Variants in SDK2 observed in about 807,000 individuals in gnomAD.
SDK2 encodes the protein sidekick cell adhesion molecule 2, also known as protein sidekick-2.
A neutral mutation model predicts 253.9 loss-of-function variants in SDK2; 105 were observed. The observed-to-expected ratio is 0.41, with a 90% CI of 0.35 to 0.49. SDK2 has a LOEUF of 0.49. Among genes scored for constraint, SDK2 ranks in the 20% least tolerant of loss-of-function variants. The pLI is 0.06. For missense variants in SDK2, 2,608 were observed against 3,003.0 expected (o/e 0.87, Z 3.07); for synonymous variants, 1,249 against 1,234.9 (o/e 1.01, Z -0.24).
chr17:73,632,921 A>G (rs2046287449), intron 1 of SDK2, among the ~76,000 whole-genome samples: 1 of 152,184 alleles, frequency 6.6e-6, no homozygotes, highest in African/African-American at 2.4e-5. Context: ...CAGCTTTAAC[A>G]TATCCTTTAT....
In SDK2 at chr17:73,511,777, C is replaced by T. The variant is rs775505690; in HGVS notation, c.65-4180G>A. Among the ~76,000 whole-genome samples, 4 of 152,142 alleles carry T rather than the reference C, an allele frequency of 2.6e-5. No individual in the cohort carries two copies. The highest frequency in any genetic ancestry group is 5.9e-5 in the Non-Finnish European group (4 of 68,024). ...GCTGATTTTCCTCCAGGACCTGCCT[C>T]GTCTGAAAGCAAGAGATGGCAGGGG... is the stretch of plus-strand genomic sequence containing the variant. On this transcript the variant is annotated intron_variant, in intron 1 of 44. Transcript: ENST00000392650. The surrounding 1 kb of genome is among the most constrained non-coding windows in gnomAD (Gnocchi z 4.9).
intron 36 of SDK2, among the ~76,000 whole-genome samples, chr17:73,377,119 C>T (rs2062788616): frequency 6.7e-6 from 1 of 149,768 alleles, no homozygotes; most frequent in Non-Finnish European, 1.5e-5. Flanking sequence ...AACCAGCCGC[C>T]AAGAATGAGA....
chr17:73,416,115 T>C, intron 16 of SDK2, 123 bp from the exon 17 acceptor site: 1 of 849,678 alleles, frequency 1.2e-6, no homozygotes, highest in Non-Finnish European at 1.8e-6. Context: ...GCTCTGCACC[T>C]GTGCTGTCCG....
rs988421198 is a variant in SDK2 at position 73,541,236 on chromosome 17, T to C, written c.65-33639A>G. The stretch of plus-strand genomic sequence containing the variant: ...CAGTGAAGGGAGGTGCCCGGGGGGC[T>C]GCAGGGGATGGGCTGCAGTGTGTGG... On this transcript the variant is annotated intron_variant, in intron 1 of 44. Coordinates refer to ENST00000392650, the MANE Select transcript of SDK2 (RefSeq NM_001144952.2). This position sits in a 1 kb window ranked among gnomAD's most constrained non-coding sequence, Gnocchi z 4.3. Among the ~76,000 whole-genome samples the C allele has an allele frequency of 6.6e-6, 1 of 152,154 alleles. No homozygotes were observed. The highest frequency in any genetic ancestry group is 1.5e-5 in the Non-Finnish European group (1 of 68,018).
At chr17:73,519,705 T>C (rs1173919740) in intron 1 of SDK2, 3 of 152,120 alleles carry the variant, frequency 2.0e-5, no homozygotes, top group Non-Finnish European at 2.9e-5. Context: ...TTTGAACCCA[T>C]AGCCGCCTGC....
chr17:73,468,925 T>C (rs954390284), intron 3 of SDK2, among the ~76,000 whole-genome samples: 1 of 152,058 alleles, frequency 6.6e-6, no homozygotes, highest in Non-Finnish European at 1.5e-5. Context: ...TCTGGGTTCA[T>C]GCGATTCTCC....
Position 73,430,533 on chromosome 17 carries a change from G to A in SDK2, c.1561C>T (p.His521Tyr), listed in dbSNP as rs779637691. 6.2e-7 allele frequency: 1 copy of A among 1,608,940 alleles called. No individual in the cohort carries two copies. Among genetic ancestry groups the A allele is most frequent in the South Asian group, 1.1e-5 (1 of 90,320 alleles). ...TACCTGATGGTTACTCGGGGGTCGT[G>A]GGTCACTCCGCACACCATGGAGGCC... Reference protein sequence around the residue: ...TQASMVCGVTHDPRVTIRYIW... With the variant: ...TQASMVCGVTYDPRVTIRYIW... Residue 521 changes from histidine (H) to tyrosine (Y), a missense_variant, in exon 12 of 45, where the codon CAC (histidine) becomes TAC (tyrosine). Around this residue, in one of 2 missense-constraint regions of SDK2, gnomAD observed 1,505 missense variants for 1,859.1 expected, o/e 0.81. Transcript: ENST00000392650.
At chr17:73,547,616 G>C (rs1415319429) in intron 1 of SDK2, among the ~76,000 whole-genome samples, 3 of 152,204 alleles carry the variant, frequency 2.0e-5, no homozygotes, top group Non-Finnish European at 4.4e-5. Flanking sequence ...AGATAGGGTA[G>C]AGACACCATG....
At chr17:73,485,550 C>T (rs1259455927) in intron 2 of SDK2, among the ~76,000 whole-genome samples, 1 of 152,044 alleles carries the variant, frequency 6.6e-6, no homozygotes, top group East Asian at 1.9e-4. Context: ...AGGGTATTAA[C>T]CAGGGCTATA....
intron 4 of SDK2, among the ~76,000 whole-genome samples, chr17:73,448,452 C>T (rs555196880): frequency 6.6e-6 from 1 of 152,062 alleles, no homozygotes; most frequent in Non-Finnish European, 1.5e-5. Context: ...GCAGCCTCTG[C>T]CTCCCGGGTT....
At chr17:73,538,732 G>A (rs1200762699) in intron 1 of SDK2, among the ~76,000 whole-genome samples, 1 of 152,182 alleles carries the variant, frequency 6.6e-6, no homozygotes, top group Admixed American at 6.5e-5. Flanking sequence ...GAGAGGAAGA[G>A]GACAGAAAAT....
rs75643794 is a variant in SDK2, at chr17:73,336,816, C to T, written c.*1771G>A. On this transcript the variant is annotated 3_prime_UTR_variant, in exon 45 of 45. Coordinates refer to ENST00000392650, the MANE Select transcript of SDK2 (RefSeq NM_001144952.2). ...GAGCCCTGCTCCACGAAGGGGCTCA[C>T]GCTGAATCAGACAGGCCCCTGTGGG... 599 of 152,818 alleles carry T rather than the reference C, an allele frequency of 3.9e-3. 9 individuals are homozygous for T. In the East Asian group the frequency reaches 0.04, roughly 10 times the overall value. The allele number at this position is 152,818 out of a possible 1,614,324, so 9.5% of individuals were successfully genotyped here.
rs2062376411 is a variant in SDK2, at chr17:73,336,192, A to G, written c.*2395T>C. On this transcript the variant is annotated 3_prime_UTR_variant, in exon 45 of 45. Coordinates refer to ENST00000392650, the MANE Select transcript of SDK2 (RefSeq NM_001144952.2). ...TGAAGTTATTTAAAAAAAAAAAAAA[A>G]AAAAAGATGAGAGGAAAGAAAAGAA... 6.6e-6 allele frequency: 1 copy of G among 151,698 alleles called. No homozygotes were observed. The highest frequency in any genetic ancestry group is 2.4e-5 in the African/African-American group (1 of 41,356). 9.4% of individuals were successfully genotyped at this position (151,698 alleles called of 1,614,324 possible).
chr17:73,613,394 C>CT (rs982230572), intron 1 of SDK2, among the ~76,000 whole-genome samples: 4 of 151,510 alleles, frequency 2.6e-5, no homozygotes, highest in African/African-American at 9.7e-5. Flanking sequence ...CCCCAGGCCC[C>CT]TGGAGAGAGA....
intron 12 of SDK2, among the ~76,000 whole-genome samples, chr17:73,427,751 G>A (rs1462148500): frequency 6.7e-6 from 1 of 150,368 alleles, no homozygotes; most frequent in Non-Finnish European, 1.5e-5. Context: ...AAAACTCCTA[G>A]AAGATAATAC....
intron 1 of SDK2, among the ~76,000 whole-genome samples, chr17:73,532,174 A>G (rs899027009): frequency 1.3e-5 from 2 of 152,144 alleles, no homozygotes; most frequent in Admixed American, 6.5e-5. Context: ...AGGCCAGGCT[A>G]AATGTCCTAC....
At chr17:73,446,669 C>T (rs1379180294) in intron 5 of SDK2, among the ~76,000 whole-genome samples, 1 of 152,148 alleles carries the variant, frequency 6.6e-6, no homozygotes, top group African/African-American at 2.4e-5. Flanking sequence ...ACCATCGTGA[C>T]CAAGGATGAT....
rs780134066 is a variant in SDK2 at position 73,352,519 on chromosome 17, G to A, written c.5712C>T (p.Asn1904=). 3.5e-5 allele frequency: 57 copies of A among 1,613,810 alleles called. 1 individual carries two copies. Among genetic ancestry groups the A allele is most frequent in the Middle Eastern group, 3.3e-4 (2 of 6,084 alleles). Residue 1904 remains asparagine, a synonymous_variant, in exon 41 of 45, where the codon AAC becomes AAT. Transcript: ENST00000392650. The surrounding 1 kb of genome is among the most constrained non-coding windows in gnomAD (Gnocchi z 4.1). ...VSYDFRVIAV[N]DYGFGTPSSP... is the part of the protein sequence containing the mutation. ...TGCTGGGGGTGCCGAAACCATAGTCGTTGACCGCGATGACCCGGAAGTCAT... is the reference window on the plus strand; with the variant it reads ...TGCTGGGGGTGCCGAAACCATAGTCATTGACCGCGATGACCCGGAAGTCAT...
intron 1 of SDK2, among the ~76,000 whole-genome samples, chr17:73,548,386 T>C (rs565422074): frequency 6.6e-6 from 1 of 152,320 alleles, no homozygotes; most frequent in South Asian, 2.1e-4. Context: ...CTATCCCCCC[T>C]GCCCCCGAGT....
Sources: allele counts gnomAD v4.1 joint callset (sites outside exome capture counted in the v4.1 genomes callset), GRCh38; gene constraint gnomAD v4.1.1; regional missense constraint gnomAD v4.1.1; non-coding constraint Gnocchi (gnomAD v3.1); transcripts MANE v1.5; gene names NCBI Gene and HGNC (gene_info 2026-07-23, HGNC 2026-07-21).